The following LRP1B variants were observed in gnomAD, a reference collection of about 807,000 sequenced individuals.
The protein encoded by LRP1B is LDL receptor related protein 1B.
LRP1B carries 217 observed loss-of-function variants against 556.6 expected under a neutral mutation model. The ratio of observed to expected loss-of-function variants is 0.39; its 90% CI spans 0.35 to 0.44. The LOEUF is 0.44. Ranked by LOEUF, LRP1B falls within the 20% of genes least tolerant of loss-of-function variation. The pLI is 1.00. For synonymous variants in LRP1B, 2,047 were observed against 1,865.8 expected (o/e 1.10, Z -2.50); for missense variants, 5,053 against 5,620.8 (o/e 0.90, Z 3.23).
chr2:142,102,098 G>A (rs984024272), intron 1 of LRP1B, among the ~76,000 whole-genome samples: 14 of 152,038 alleles, frequency 9.2e-5, no homozygotes, highest in African/African-American at 2.6e-4. Context: ...AACAAAAGAC[G>A]TAGACATTGC....
chr2:141,020,220 A>G, intron 11 of LRP1B, 118 bp from the exon 12 acceptor site: 1 of 575,478 alleles, frequency 1.7e-6, no homozygotes, highest in Non-Finnish European at 2.7e-6. Flanking sequence ...ACTCTGATCC[A>G]TGAAATCTTT....
At chr2:141,990,887 A>C (rs1702325586) in intron 1 of LRP1B, among the ~76,000 whole-genome samples, 1 of 152,038 alleles carries the variant, frequency 6.6e-6, no homozygotes, top group African/African-American at 2.4e-5. Flanking sequence ...AATTTTCTGT[A>C]ATCAGTGTAA....
At chr2:140,897,650 G>A (rs992417200) in intron 23 of LRP1B, among the ~76,000 whole-genome samples, 3 of 152,152 alleles carry the variant, frequency 2.0e-5, no homozygotes, top group African/African-American at 7.2e-5. Flanking sequence ...AGCAGGCAGA[G>A]GAATGTGGAA....
Position 141,693,353 on chromosome 2 carries a change from G to C in LRP1B, c.205+116926C>G, listed in dbSNP as rs768992223. On this transcript the variant is annotated intron_variant, in intron 2 of 90. Transcript: ENST00000389484. ...GGATTTGTCAACATGCTGTAATTGG[G>C]CATCTCCGGGAGTAAGATTAAATTG... 7.2e-4 allele frequency among the ~76,000 whole-genome samples: 109 copies of C among 151,984 alleles called. 1 individual carries two copies. Among genetic ancestry groups the C allele is most frequent in the Admixed American group, 2.3e-3 (35 of 15,228 alleles).
intron 60 of LRP1B, among the ~76,000 whole-genome samples, chr2:140,474,009 G>GT (rs1687868488): frequency 6.6e-6 from 1 of 151,810 alleles, no homozygotes; most frequent in Non-Finnish European, 1.5e-5. Context: ...ATCCTGATGA[G>GT]TTTTTTATCT....
intron 1 of LRP1B, among the ~76,000 whole-genome samples, chr2:142,128,401 T>C (rs1707732265): frequency 6.6e-6 from 1 of 152,226 alleles, no homozygotes; most frequent in Non-Finnish European, 1.5e-5. Context: ...CAAGGACGAT[T>C]GACATAAGCC....
At chr2:141,771,872 G>T (rs1694911131) in intron 2 of LRP1B, among the ~76,000 whole-genome samples, 2 of 152,144 alleles carry the variant, frequency 1.3e-5, no homozygotes, top group South Asian at 2.1e-4. Flanking sequence ...AGGCTGGAGT[G>T]CAGTGGTGCG....
chr2:140,269,766 C>T (rs990758085), intron 86 of LRP1B, among the ~76,000 whole-genome samples: 3 of 152,006 alleles, frequency 2.0e-5, no homozygotes, highest in African/African-American at 7.2e-5. Context: ...AACTCAGACA[C>T]TCAAGTTATT....
intron 2 of LRP1B, among the ~76,000 whole-genome samples, chr2:141,659,817 A>G (rs1690146820): frequency 1.3e-5 from 2 of 152,334 alleles, no homozygotes; most frequent in African/African-American, 4.8e-5. Context: ...CACTCAAAAC[A>G]CTATAACAAA....
intron 11 of LRP1B, among the ~76,000 whole-genome samples, chr2:141,047,968 A>G (rs755227385): frequency 6.6e-6 from 1 of 152,104 alleles, no homozygotes; most frequent in African/African-American, 2.4e-5. Context: ...GGCATTCTCT[A>G]TTAATCATAT....
At chr2:140,290,740 C>T (rs1683338075) in intron 84 of LRP1B, among the ~76,000 whole-genome samples, 1 of 151,976 alleles carries the variant, frequency 6.6e-6, no homozygotes, top group Non-Finnish European at 1.5e-5. Context: ...TGCCTCTTTT[C>T]TATGGTGTAG....
intron 79 of LRP1B, among the ~76,000 whole-genome samples, chr2:140,327,717 A>ATTTTCTTCCTTT (rs1680564932): frequency 1.3e-5 from 2 of 152,044 alleles, no homozygotes; most frequent in African/African-American, 4.8e-5. Flanking sequence ...AAGGAAGAAA[A>ATTTTCTTCCTTT]CAGTGAGTAT....
chr2:141,061,072 A>G (rs1699321313), intron 8 of LRP1B, among the ~76,000 whole-genome samples: 1 of 151,778 alleles, frequency 6.6e-6, no homozygotes, highest in Non-Finnish European at 1.5e-5. Context: ...CTCAGAGATC[A>G]GGTCCTCTAA....
chr2:140,626,715 A>C (rs2105265526), intron 41 of LRP1B, among the ~76,000 whole-genome samples: 1 of 150,594 alleles, frequency 6.6e-6, no homozygotes, highest in Non-Finnish European at 1.5e-5. Flanking sequence ...AAAAAAAAAA[A>C]AAGAGTAAAT....
At chr2:141,045,749 T>C (rs986501744) in intron 11 of LRP1B, among the ~76,000 whole-genome samples, 2 of 152,138 alleles carry the variant, frequency 1.3e-5, no homozygotes, top group African/African-American at 4.8e-5. Context: ...CTGGCCCCGA[T>C]ACGGCATTCA....
chr2:141,429,891 G>A (rs75496541), intron 3 of LRP1B, among the ~76,000 whole-genome samples: 4,665 of 152,164 alleles, frequency 0.031, 246 homozygotes, highest in African/African-American at 0.1. Flanking sequence ...TATTGACAAT[G>A]GATTAAGTAA....
At chr2:141,360,948 C>T (rs1433986589) in intron 3 of LRP1B, among the ~76,000 whole-genome samples, 1 of 152,048 alleles carries the variant, frequency 6.6e-6, no homozygotes, top group Non-Finnish European at 1.5e-5. Context: ...TTTTCTTTCA[C>T]CTTGCCATTT....
intron 3 of LRP1B, among the ~76,000 whole-genome samples, chr2:141,413,418 A>C (rs1377668072): frequency 6.6e-6 from 1 of 152,142 alleles, no homozygotes; most frequent in Non-Finnish European, 1.5e-5. Context: ...TGAGCCAAGC[A>C]ATGTGGGAGG....
chr2:141,386,202 A>T (rs1421798034), intron 3 of LRP1B, among the ~76,000 whole-genome samples: 2 of 152,192 alleles, frequency 1.3e-5, no homozygotes, highest in Non-Finnish European at 2.9e-5. Context: ...CTTGGGTCCC[A>T]TCTCCAAGAT....
Sources: gnomAD v4.1 joint callset for allele counts (sites outside exome capture counted in the v4.1 genomes callset) on GRCh38, gnomAD v4.1.1 for gene constraint, MANE v1.5 for transcripts, NCBI Gene and HGNC (gene_info 2026-07-23, HGNC 2026-07-21) for gene names.